Variants in SIN3A observed in about 807,000 individuals in gnomAD.
SIN3A encodes the protein SIN3 transcription regulator family member A, also known as paired amphipathic helix protein Sin3a.
Under a neutral mutation model 146.1 loss-of-function variants are expected in SIN3A, and 14 were observed. The ratio of observed to expected loss-of-function variants is 0.10; its 90% CI spans 0.06 to 0.15. SIN3A has a LOEUF of 0.15. SIN3A is among the 10% of genes least tolerant of loss of function. The probability of loss-of-function intolerance (pLI) is 1.00; values close to 1 mark genes in which losing one functional copy is unlikely to be tolerated. For missense variants in SIN3A, 1,028 were observed against 1,576.0 expected (o/e 0.65, Z 5.89); for synonymous variants, 572 against 572.0 (o/e 1.00, Z 0.00).
chr15:75,442,459 C>T (rs1206666759), intron 1 of SIN3A, among the ~76,000 whole-genome samples: 2 of 151,448 alleles, frequency 1.3e-5, no homozygotes, highest in Non-Finnish European at 2.9e-5. Flanking sequence ...AGGCATATGC[C>T]ACTGCACCCA....
rs146979568 is a variant in SIN3A, at chr15:75,382,988, G to A, written c.3195+1276C>T. 3.6e-3 allele frequency among the ~76,000 whole-genome samples: 550 copies of A among 152,260 alleles called. 1 individual carries two copies. The highest frequency in any genetic ancestry group is 0.012 in the African/African-American group (509 of 41,550). Reference sequence around the variant, plus strand: ...TGTAATCCCAGCTACTCAGGAGGCCGAGGCAGGAGAACTGCTTGAACCCAG... The same window carrying A: ...TGTAATCCCAGCTACTCAGGAGGCCAAGGCAGGAGAACTGCTTGAACCCAG... On this transcript the variant is annotated intron_variant, in intron 17 of 20. Transcript: ENST00000394947.
intron 9 of SIN3A, among the ~76,000 whole-genome samples, chr15:75,403,239 A>G (rs1391333039): frequency 6.6e-6 from 1 of 151,738 alleles, no homozygotes; most frequent in African/African-American, 2.4e-5. Flanking sequence ...CCTGGCCAAC[A>G]TAGTGAAACC....
chr15:75,410,602 T>C (rs2073615966), intron 6 of SIN3A, among the ~76,000 whole-genome samples: 1 of 151,774 alleles, frequency 6.6e-6, no homozygotes, highest in African/African-American at 2.4e-5. Flanking sequence ...ATGCCCGGCC[T>C]AGGGCAATAA....
chr15:75,391,513 A>G (rs1483286741), intron 15 of SIN3A, among the ~76,000 whole-genome samples: 1 of 151,956 alleles, frequency 6.6e-6, no homozygotes, highest in East Asian at 1.9e-4. Flanking sequence ...AAAAAAAAAA[A>G]AAAAGAAGAA....
chr15:75,372,088 C>T lies in SIN3A; in HGVS notation c.3713G>A (p.Gly1238Glu), dbSNP rs1398248335. 6.2e-7 allele frequency: 1 copy of T among 1,614,062 alleles called. No homozygotes were observed. Among genetic ancestry groups the T allele is most frequent in the East Asian group, 2.2e-5 (1 of 44,894 alleles). ...GGTACAGGGCACCAGGCCCTCCAGC[C>T]CCTCACCCATGAGCCACTTGCTGGT... Reference protein sequence around the residue: ...AETSKWLMGEGLEGLVPCTTT... With the variant: ...AETSKWLMGEELEGLVPCTTT... Residue 1238 changes from glycine (G) to glutamate (E), a missense_variant, in exon 21 of 21, where the codon GGG becomes GAG. Physicochemically the swap from Gly to Glu is moderately conservative, Grantham distance 98 (BLOSUM62 -2). Transcript: ENST00000394947.
In SIN3A at chr15:75,389,757, G is replaced by T. The variant is rs2073161815; in HGVS notation, c.2916C>A (p.Gly972=). ...FLDMVRSLLD[G]NIDSSQYEDS... ...CTTCATACTGTGATGAGTCTATGTTGCCATCCAGCAGGCTCCGCACCATGT... is the reference window on the plus strand; with the variant it reads ...CTTCATACTGTGATGAGTCTATGTTTCCATCCAGCAGGCTCCGCACCATGT... Residue 972 remains glycine, a synonymous_variant, in exon 16 of 21, where the codon GGC becomes GGA. Coordinates refer to ENST00000394947, the MANE Select transcript of SIN3A (RefSeq NM_001145358.2). 6.2e-7 allele frequency: 1 copy of T among 1,614,046 alleles called. No individual in the cohort carries two copies. Among genetic ancestry groups the T allele is most frequent in the South Asian group, 1.1e-5 (1 of 91,082 alleles).
At chr15:75,380,569 A>T in intron 19 of SIN3A, 60 bp downstream of exon 19, 1 of 1,227,578 alleles carries the variant, frequency 8.1e-7, no homozygotes, top group Non-Finnish European at 1.2e-6. Context: ...AAGTCATTTA[A>T]CTCTCCATTC....
chr15:75,454,197 G>C (rs903972284), upstream of SIN3A, among the ~76,000 whole-genome samples: 3 of 152,140 alleles, frequency 2.0e-5, no homozygotes, highest in African/African-American at 7.2e-5. Context: ...CTCCAGCCCG[G>C]CCTCCCGATA....
At chr15:75,431,005 T>C (rs1287315289) in intron 1 of SIN3A, among the ~76,000 whole-genome samples, 1 of 152,170 alleles carries the variant, frequency 6.6e-6, no homozygotes, top group East Asian at 1.9e-4. Context: ...CTCGATCTCC[T>C]GACCTTGTGA....
At chr15:75,423,634 T>C (rs1254316482) in intron 2 of SIN3A, among the ~76,000 whole-genome samples, 2 of 152,056 alleles carry the variant, frequency 1.3e-5, no homozygotes, top group Non-Finnish European at 2.9e-5. Context: ...GCCAAGATCG[T>C]GCCACTGCAA....
At chr15:75,406,053 G>C (rs1042803040) in intron 9 of SIN3A, among the ~76,000 whole-genome samples, 4 of 152,146 alleles carry the variant, frequency 2.6e-5, no homozygotes, top group Non-Finnish European at 4.4e-5. Flanking sequence ...ACTAATCACG[G>C]AGATGTTAAA....
chr15:75,373,112 T>G (rs547309913), intron 20 of SIN3A, among the ~76,000 whole-genome samples: 1 of 152,138 alleles, frequency 6.6e-6, no homozygotes, highest in East Asian at 1.9e-4. Flanking sequence ...AATAAAAATT[T>G]ATTGGTGTCC....
chr15:75,453,670 GAC>G (rs1267433438), upstream of SIN3A: 2 of 152,318 alleles, frequency 1.3e-5, no homozygotes. Context: ...GGAAAGAACA[GAC>G]ACTTGCAGCG....
At chr15:75,389,143 T>A (rs1172361001) in intron 16 of SIN3A, among the ~76,000 whole-genome samples, 5 of 152,082 alleles carry the variant, frequency 3.3e-5, no homozygotes, top group African/African-American at 1.2e-4. Flanking sequence ...TTTCAAATAT[T>A]AAACAATGCA....
intron 3 of SIN3A, chr15:75,422,243 T>G (rs575075380): frequency 2.1e-4 from 61 of 295,722 alleles, no homozygotes; most frequent in Middle Eastern, 2.0e-3. Flanking sequence ...AAAAAAAATT[T>G]TTAAGAATTT....
At chr15:75,387,098 T>C (rs951077803) in intron 16 of SIN3A, among the ~76,000 whole-genome samples, 2 of 152,172 alleles carry the variant, frequency 1.3e-5, no homozygotes, top group African/African-American at 4.8e-5. Context: ...TGAGCCACCA[T>C]GACCAGCCTT....
chr15:75,394,365 G>C (rs1387639097), intron 14 of SIN3A, among the ~76,000 whole-genome samples: 1 of 152,206 alleles, frequency 6.6e-6, no homozygotes, highest in Non-Finnish European at 1.5e-5. Flanking sequence ...AGTAAGGAGA[G>C]ATGGGACTAT....
chr15:75,439,097 T>C (rs897455750), intron 1 of SIN3A, among the ~76,000 whole-genome samples: 5 of 152,206 alleles, frequency 3.3e-5, no homozygotes, highest in Non-Finnish European at 1.5e-5. Flanking sequence ...TCTAATGCAG[T>C]GGTCCTCAAC....
intron 3 of SIN3A, among the ~76,000 whole-genome samples, chr15:75,418,812 T>C: frequency 6.6e-6 from 1 of 152,150 alleles, no homozygotes; most frequent in African/African-American, 2.4e-5. Context: ...TGGAGTGCAG[T>C]GGCGCTTTCC....
Sources: gnomAD v4.1 joint callset for allele counts (sites outside exome capture counted in the v4.1 genomes callset) on GRCh38, gnomAD v4.1.1 for gene constraint, MANE v1.5 for transcripts, NCBI Gene and HGNC (gene_info 2026-07-23, HGNC 2026-07-21) for gene names.